GPC6: variants seen among roughly 807,000 people sequenced by gnomAD.
The protein encoded by GPC6 is glypican 6.
A neutral mutation model predicts 55.2 loss-of-function variants in GPC6; 14 were observed. The observed-to-expected ratio is 0.25, with a 90% confidence interval of 0.17 to 0.40. The LOEUF (loss-of-function observed/expected upper bound fraction) is 0.40, where lower values mean the gene tolerates loss of function less well. Ranked by LOEUF, GPC6 falls within the 10% of genes least tolerant of loss-of-function variation. The pLI, the probability that GPC6 is intolerant of heterozygous loss-of-function variation, is 1.00. For synonymous variants in GPC6, 278 were observed against 259.6 expected, an observed-to-expected ratio of 1.07 and a Z score of -0.68; for missense variants, 641 against 708.5, an observed-to-expected ratio of 0.90 and a Z score of 1.08.
chr13:93,701,292 A>T (rs1404999804), intron 2 of GPC6, among the ~76,000 whole-genome samples: 2 of 152,128 alleles, frequency 1.3e-5, no homozygotes, highest in African/African-American at 4.8e-5. Context: ...TAAAGCAAAC[A>T]TTACAATAAT....
intron 3 of GPC6, among the ~76,000 whole-genome samples, chr13:93,974,297 C>A (rs891621578): frequency 2.6e-5 from 4 of 152,094 alleles, no homozygotes; most frequent in Non-Finnish European, 5.9e-5. Context: ...AAAAATAATA[C>A]CCATTTATTA....
intron 1 of GPC6, among the ~76,000 whole-genome samples, chr13:93,415,747 G>T (rs1262981915): frequency 6.6e-6 from 1 of 152,124 alleles, no homozygotes; most frequent in Non-Finnish European, 1.5e-5. Context: ...AGTACTGGAA[G>T]ATGAGCATCT....
At chr13:93,886,484 T>TA (rs1875332154) in intron 3 of GPC6, among the ~76,000 whole-genome samples, 1 of 151,446 alleles carries the variant, frequency 6.6e-6, no homozygotes, top group Admixed American at 6.6e-5. Flanking sequence ...AGGCTTAAGG[T>TA]AAAAAACGAA....
In GPC6 at chr13:93,627,487, G is replaced by A. The variant is rs766227771; in HGVS notation, c.319+82066G>A. On this transcript the variant is annotated intron_variant, in intron 2 of 8. Transcript: ENST00000377047. ...CCAATACCAGAGATTACAATTAAAC[G>A]TGAGATTTAGGTCGGGTCACAGATC... is the stretch of plus-strand genomic sequence containing the variant. Among the ~76,000 whole-genome samples the A allele has an allele frequency of 9.2e-5, 14 of 152,094 alleles. 1 individual carries two copies. Among genetic ancestry groups the A allele is most frequent in the South Asian group, 4.2e-4 (2 of 4,818 alleles).
At chr13:93,267,947 T>C (rs773218430) in intron 1 of GPC6, among the ~76,000 whole-genome samples, 23 of 152,222 alleles carry the variant, frequency 1.5e-4, no homozygotes, top group Non-Finnish European at 2.9e-4. Context: ...TTGCTGAGCA[T>C]GTTTTCCATA....
intron 6 of GPC6, among the ~76,000 whole-genome samples, chr13:94,347,220 G>C (rs1379870913): frequency 2.0e-5 from 3 of 152,036 alleles, no homozygotes; most frequent in Non-Finnish European, 4.4e-5. Context: ...TATCCAGGAT[G>C]GTTCTTCTGA....
intron 1 of GPC6, among the ~76,000 whole-genome samples, chr13:93,300,870 T>C (rs985882803): frequency 2.7e-5 from 4 of 150,776 alleles, no homozygotes; most frequent in African/African-American, 4.9e-5. Flanking sequence ...AAATACAAAA[T>C]TATCCAGGTG....
At chr13:93,428,131 A>T (rs912697258) in intron 1 of GPC6, among the ~76,000 whole-genome samples, 4 of 152,090 alleles carry the variant, frequency 2.6e-5, no homozygotes, top group African/African-American at 9.7e-5. Context: ...TGAGGGCCCA[A>T]TACATTTTTT....
At chr13:93,368,617 T>C (rs1881345715) in intron 1 of GPC6, among the ~76,000 whole-genome samples, 1 of 151,902 alleles carries the variant, frequency 6.6e-6, no homozygotes, top group African/African-American at 2.4e-5. Context: ...TTCCCTCAAA[T>C]CATTCTTATT....
At chr13:93,628,934 A>G (rs1380128540) in intron 2 of GPC6, among the ~76,000 whole-genome samples, 1 of 152,096 alleles carries the variant, frequency 6.6e-6, no homozygotes, top group Non-Finnish European at 1.5e-5. Context: ...AGAGACAGAA[A>G]GACTAAATAA....
chr13:94,240,915 A>G (rs1891037515), intron 4 of GPC6, among the ~76,000 whole-genome samples: 1 of 152,156 alleles, frequency 6.6e-6, no homozygotes, highest in Admixed American at 6.6e-5. Flanking sequence ...GGTTGACGTC[A>G]TATTCTTGCT....
intron 8 of GPC6, 116 bp from the exon 9 acceptor site, chr13:94,402,899 C>A: frequency 1.2e-6 from 1 of 838,782 alleles, no homozygotes; most frequent in Admixed American, 1.7e-5. Flanking sequence ...TCCACATGGC[C>A]TCTCCCCTGA....
intron 3 of GPC6, among the ~76,000 whole-genome samples, chr13:93,956,566 G>A (rs2140378562): frequency 6.6e-6 from 1 of 152,336 alleles, no homozygotes; most frequent in Non-Finnish European, 1.5e-5. Flanking sequence ...TGCAGGCACA[G>A]CCTGCTCTTT....
At chr13:93,220,102 C>A in the GPC6 span, among the ~76,000 whole-genome samples, 3 of 152,108 alleles carry the variant, frequency 2.0e-5, no homozygotes, top group Admixed American at 2.0e-4. Context: ...TGTCATACTG[C>A]CTATTTAAGG....
chr13:94,271,323 G>A (rs60521895), intron 4 of GPC6, among the ~76,000 whole-genome samples: 1 of 150,804 alleles, frequency 6.6e-6, no homozygotes, highest in Non-Finnish European at 1.5e-5. Flanking sequence ...CCCTGGAGCA[G>A]ACGGTGATTC....
At chr13:94,098,826 T>TTA (rs957698984) in intron 4 of GPC6, among the ~76,000 whole-genome samples, 21 of 152,138 alleles carry the variant, frequency 1.4e-4, no homozygotes, top group African/African-American at 2.4e-4. Flanking sequence ...AATAAGAGTA[T>TTA]TATATATATA....
chr13:93,441,684 G>C (rs906921827), intron 1 of GPC6, among the ~76,000 whole-genome samples: 27 of 152,132 alleles, frequency 1.8e-4, no homozygotes, highest in African/African-American at 6.0e-4. Flanking sequence ...TTGTGCAAAA[G>C]CTCTTTAGTT....
chr13:94,132,315 G>A (rs1322599204), intron 4 of GPC6, among the ~76,000 whole-genome samples: 1 of 152,112 alleles, frequency 6.6e-6, no homozygotes, highest in Non-Finnish European at 1.5e-5. Flanking sequence ...TACACACGAT[G>A]GCTTCAGCAG....
At chr13:94,380,684 C>G (rs937412834) in intron 6 of GPC6, among the ~76,000 whole-genome samples, 11 of 152,118 alleles carry the variant, frequency 7.2e-5, no homozygotes, top group Admixed American at 6.5e-4. Flanking sequence ...TCCTGTGTTA[C>G]CACAGTATGA....
Sources: gnomAD v4.1 joint callset for allele counts (sites outside exome capture counted in the v4.1 genomes callset) on GRCh38, gnomAD v4.1.1 for gene constraint, MANE v1.5 for transcripts, NCBI Gene and HGNC (gene_info 2026-07-23, HGNC 2026-07-21) for gene names.